Variants in TENM1 observed in about 807,000 individuals in gnomAD.
TENM1 encodes teneurin transmembrane protein 1, also known as teneurin-1.
TENM1 carries 35 observed loss-of-function variants against 174.8 expected under a neutral mutation model. The ratio of observed to expected loss-of-function variants is 0.20; its 90% CI spans 0.15 to 0.27. TENM1 has a LOEUF of 0.27. TENM1 is among the 10% of genes least tolerant of loss of function. TENM1 has a pLI of 1.00. For synonymous variants in TENM1, 781 were observed against 798.7 expected (o/e 0.98, Z 0.37); for missense variants, 1,633 against 2,130.1 (o/e 0.77, Z 4.59).
At chrX:125,166,853 A>T in the TENM1 span, among the ~76,000 whole-genome samples, 1 of 111,463 alleles carries the variant, frequency 9.0e-6, no homozygotes, top group African/African-American at 3.3e-5. Context: ...GAGACTTTGC[A>T]ATTGGATTAT....
At chrX:124,484,637 T>A (rs777872826) in intron 21 of TENM1, among the ~76,000 whole-genome samples, 1 of 111,562 alleles carries the variant, frequency 9.0e-6, no homozygotes, top group Non-Finnish European at 1.9e-5. Context: ...CGTTGACTCA[T>A]GTGTCCCTTT....
intron 3 of TENM1, among the ~76,000 whole-genome samples, chrX:124,854,947 T>C (rs10126928): frequency 0.085 from 9,485 of 111,615 alleles, 935 homozygotes; most frequent in African/African-American, 0.29. Context: ...TTAAAAATTA[T>C]CTTTTTCGCA....
intron 3 of TENM1, among the ~76,000 whole-genome samples, chrX:124,740,212 C>T (rs2053768252): frequency 9.0e-6 from 1 of 111,408 alleles, no homozygotes; most frequent in African/African-American, 3.3e-5. Flanking sequence ...TGCTCAGAAC[C>T]CCTCTAAACA....
At chrX:125,019,863 A>T in the TENM1 span, among the ~76,000 whole-genome samples, 1 of 111,673 alleles carries the variant, frequency 9.0e-6, no homozygotes, top group South Asian at 3.7e-4. Context: ...ATTACAATAT[A>T]ACAAAAATAA....
the TENM1 span, among the ~76,000 whole-genome samples, chrX:125,194,349 C>T: frequency 2.7e-5 from 3 of 111,233 alleles, no homozygotes; most frequent in Admixed American, 1.9e-4. Context: ...TTTGTCCACT[C>T]CTCTCCATGT....
chrX:125,039,992 A>G, the TENM1 span, among the ~76,000 whole-genome samples: 2 of 111,875 alleles, frequency 1.8e-5, no homozygotes, highest in African/African-American at 6.5e-5. Flanking sequence ...GATCTAATTT[A>G]GATCTCATCT....
intron 11 of TENM1, among the ~76,000 whole-genome samples, chrX:124,581,231 A>AT (rs1402825082): frequency 9.2e-6 from 1 of 108,285 alleles, no homozygotes; most frequent in Non-Finnish European, 1.9e-5. Context: ...CGTCCGGCTA[A>AT]TTTTTTTGTA....
At chrX:125,148,907 C>T in the TENM1 span, among the ~76,000 whole-genome samples, 5 of 111,761 alleles carry the variant, frequency 4.5e-5, no homozygotes, top group Admixed American at 3.8e-4. Context: ...TAACTGGTTC[C>T]TTAATATCCC....
At chrX:124,777,912 G>C (rs2054820874) in intron 3 of TENM1, among the ~76,000 whole-genome samples, 1 of 112,538 alleles carries the variant, frequency 8.9e-6, no homozygotes, top group Admixed American at 9.4e-5. Context: ...AACTCTACCA[G>C]TTTAGCACCA....
intron 18 of TENM1, among the ~76,000 whole-genome samples, chrX:124,515,817 C>T (rs2047690109): frequency 1.9e-5 from 2 of 107,748 alleles, no homozygotes; most frequent in Admixed American, 2.0e-4. Context: ...CTACCAATGA[C>T]ATTCTTCCCA....
chrX:124,920,283 T>G (rs1411106068), intron 1 of TENM1, among the ~76,000 whole-genome samples: 1 of 111,601 alleles, frequency 9.0e-6, no homozygotes, highest in Admixed American at 9.5e-5. Context: ...TAATGTTATA[T>G]GTAATGTTTT....
At position 124,782,439 on chromosome X, in the gene TENM1, AC is replaced by A. The variant is rs1438004246; in HGVS notation, c.536-45243del. ...ATTCTACTTTTAATCCTTGACTCTT[AC>A]CCCCCTCCCATGACCATATATACCA... On this transcript the variant is annotated intron_variant, in intron 3 of 31. Transcript: ENST00000422452. 8.2e-5 allele frequency among the ~76,000 whole-genome samples: 9 copies of A among 109,689 alleles called. No individual in the cohort carries two copies. The South Asian group carries it at 2.4e-3, about 29-fold the overall frequency.
chrX:124,712,564 C>T (rs374893496), intron 4 of TENM1, among the ~76,000 whole-genome samples: 2 of 111,068 alleles, frequency 1.8e-5, no homozygotes. Flanking sequence ...TCACTGCAAC[C>T]TCTGCCTCCC....
At chrX:124,933,359 G>A (rs1370657375) in intron 1 of TENM1, among the ~76,000 whole-genome samples, 3 of 112,167 alleles carry the variant, frequency 2.7e-5, no homozygotes, top group Non-Finnish European at 5.6e-5. Context: ...GTGAGCATTT[G>A]ATTCACCAGT....
At chrX:124,912,427 G>A (rs746676562) in intron 1 of TENM1, among the ~76,000 whole-genome samples, 1 of 110,853 alleles carries the variant, frequency 9.0e-6, no homozygotes, top group Non-Finnish European at 1.9e-5. Context: ...TCCTGAGAGA[G>A]GGGATAAGGA....
chrX:125,043,676 AT>A, the TENM1 span, among the ~76,000 whole-genome samples: 1 of 1,438 alleles, frequency 7.0e-4, no homozygotes, highest in South Asian at 0.083. Context: ...ATATACCCAA[AT>A]GACTATAAAT....
Position 124,393,246 on chromosome X carries a change from TA to T in TENM1, c.5392-899del, listed in dbSNP as rs756149274. Among the ~76,000 whole-genome samples, 526 of 98,953 alleles carry T rather than the reference TA, an allele frequency of 5.3e-3. 3 individuals are homozygous for T. The highest frequency in any genetic ancestry group is 0.042 in the East Asian group (136 of 3,218). The allele number at this position is 98,953 out of a possible 115,157, so 85.9% of individuals were successfully genotyped here. A position where few individuals can be genotyped will look rare whatever the true frequency, so the allele number is the denominator to read the frequency against. ...ATAACCAAATAACTAAATGACTTAG[TA>T]AAAAAAAAAAAAGTTTAAAAAATCA... On this transcript the variant is annotated intron_variant, in intron 27 of 31. Transcript: ENST00000422452.
At chrX:124,518,409 C>T (rs1177207209) in intron 18 of TENM1, among the ~76,000 whole-genome samples, 6 of 28,516 alleles carry the variant, frequency 2.1e-4, no homozygotes, top group Non-Finnish European at 3.1e-4. Context: ...TTGTTGGGGG[C>T]GGAGGGGTGG....
At chrX:124,391,817 G>A (rs1007687773) in intron 28 of TENM1, among the ~76,000 whole-genome samples, 4 of 111,994 alleles carry the variant, frequency 3.6e-5, no homozygotes, top group Non-Finnish European at 3.8e-5. Flanking sequence ...AAGCTAAGCC[G>A]TTATTCTGAC....
Sources: gnomAD v4.1 joint callset for allele counts (sites outside exome capture counted in the v4.1 genomes callset) on GRCh38, gnomAD v4.1.1 for gene constraint, MANE v1.5 for transcripts, NCBI Gene and HGNC (gene_info 2026-07-23, HGNC 2026-07-21) for gene names.